The following OSBPL1A variants were observed in gnomAD, a reference collection of about 807,000 sequenced individuals.
The protein encoded by OSBPL1A is oxysterol-binding protein-related protein 1.
Under a neutral mutation model 137.1 loss-of-function variants are expected in OSBPL1A, and 80 were observed. The ratio of observed to expected loss-of-function variants is 0.58; its 90% confidence interval spans 0.49 to 0.70. The LOEUF is 0.70. Among genes scored for constraint, OSBPL1A ranks in the 30% least tolerant of loss-of-function variants. The pLI is 0.00. For synonymous variants in OSBPL1A, 365 were observed against 389.7 expected (o/e 0.94, Z 0.75); for missense variants, 970 against 1,129.4 (o/e 0.86, Z 2.02).
intron 17 of OSBPL1A, among the ~76,000 whole-genome samples, chr18:24,212,973 C>T (rs1300122562): frequency 2.0e-5 from 3 of 152,138 alleles, no homozygotes; most frequent in African/African-American, 7.2e-5. Flanking sequence ...TACCCTGTAC[C>T]TAGTTTCAGG....
intron 15 of OSBPL1A, among the ~76,000 whole-genome samples, chr18:24,251,581 G>A (rs545839769): frequency 6.6e-6 from 1 of 152,234 alleles, no homozygotes; most frequent in East Asian, 1.9e-4. Flanking sequence ...CGAATACCTG[G>A]AAAGCCTTCT....
chr18:24,191,429 C>A (rs2086889731), intron 18 of OSBPL1A, among the ~76,000 whole-genome samples: 3 of 152,130 alleles, frequency 2.0e-5, no homozygotes, highest in Non-Finnish European at 4.4e-5. Context: ...GGCATCTATT[C>A]AAAAACAAGA....
chr18:24,197,143 T>G (rs2087058357), intron 17 of OSBPL1A, among the ~76,000 whole-genome samples: 1 of 151,970 alleles, frequency 6.6e-6, no homozygotes, highest in African/African-American at 2.4e-5. Context: ...AGCTCAGGAG[T>G]TTAAGACCAG....
intron 1 of OSBPL1A, among the ~76,000 whole-genome samples, chr18:24,395,917 C>T (rs949486594): frequency 2.0e-5 from 3 of 149,950 alleles, no homozygotes; most frequent in Non-Finnish European, 4.4e-5. Context: ...CCATGGCACC[C>T]GGCCAGGAAT....
chr18:24,273,208 T>C (rs1409061056), intron 15 of OSBPL1A, among the ~76,000 whole-genome samples: 1 of 152,164 alleles, frequency 6.6e-6, no homozygotes, highest in Non-Finnish European at 1.5e-5. Flanking sequence ...ACGCCCAGCC[T>C]CATGGCATCT....
chr18:24,331,647 C>T lies in OSBPL1A; in HGVS notation c.625+1295G>A, dbSNP rs928150528. On this transcript the variant is annotated intron_variant, in intron 7 of 27. Coordinates refer to ENST00000319481, the MANE Select transcript of OSBPL1A (RefSeq NM_080597.4). ...TCCTGACCTCGTGATCCGCCCGCCTCGGCCTCCCAAAGTGCTGGGATTACA... is the reference window on the plus strand; with the variant it reads ...TCCTGACCTCGTGATCCGCCCGCCTTGGCCTCCCAAAGTGCTGGGATTACA... Among the ~76,000 whole-genome samples the T allele has an allele frequency of 4.6e-5, 7 of 150,632 alleles. No individual in the cohort carries two copies. In the East Asian group the frequency reaches 5.8e-4, roughly 13 times the overall value.
intron 14 of OSBPL1A, among the ~76,000 whole-genome samples, chr18:24,284,798 A>G (rs2090036848): frequency 6.6e-6 from 1 of 152,234 alleles, no homozygotes; most frequent in Non-Finnish European, 1.5e-5. Context: ...TTACTTGAAT[A>G]TTGGAAACAA....
In OSBPL1A at chr18:24,314,780, G is replaced by A. The variant is rs191425071; in HGVS notation, c.871-433C>T. ...GGAGAAAAGGGAAAGAGAGTAAGAC[G>A]GATCAGAAATAATTATGGGTTTTAA... On this transcript the variant is annotated intron_variant, in intron 11 of 27. Coordinates refer to ENST00000319481, the MANE Select transcript of OSBPL1A (RefSeq NM_080597.4). Among the ~76,000 whole-genome samples, 54 of 152,118 alleles carry A rather than the reference G, an allele frequency of 3.5e-4. 1 individual carries two copies. Among genetic ancestry groups the A allele is most frequent in the Non-Finnish European group, 8.8e-5 (6 of 67,976 alleles).
chr18:24,266,808 C>T (rs989682973), intron 15 of OSBPL1A, among the ~76,000 whole-genome samples: 9 of 151,816 alleles, frequency 5.9e-5, no homozygotes, highest in Middle Eastern at 3.4e-3. Context: ...CACGAAATTA[C>T]AAAAAATGCT....
intron 18 of OSBPL1A, among the ~76,000 whole-genome samples, chr18:24,181,820 T>C (rs72883232): frequency 0.08 from 12,181 of 152,170 alleles, 565 homozygotes; most frequent in African/African-American, 0.13. Context: ...TTTCTTTGTC[T>C]GGCTCCCTCA....
chr18:24,328,218 ATTTTTTTTT>A (rs564798076), intron 7 of OSBPL1A, among the ~76,000 whole-genome samples: 1 of 48,598 alleles, frequency 2.1e-5, no homozygotes, highest in Non-Finnish European at 3.7e-5. Flanking sequence ...AATTTTTTGT[ATTTTTTTTT>A]TTTTTTTTTT....
intron 17 of OSBPL1A, among the ~76,000 whole-genome samples, chr18:24,208,649 G>A (rs947513263): frequency 6.6e-6 from 1 of 152,178 alleles, no homozygotes; most frequent in African/African-American, 2.4e-5. Flanking sequence ...ATTACCATTA[G>A]ATTCCAAGCC....
chr18:24,394,879 C>T (rs949822544), intron 1 of OSBPL1A, among the ~76,000 whole-genome samples: 4 of 152,112 alleles, frequency 2.6e-5, no homozygotes, highest in South Asian at 4.1e-4. Context: ...GTAAAGTGAG[C>T]GACCTAGTTT....
At chr18:24,337,258 G>A (rs2091190015) in intron 5 of OSBPL1A, among the ~76,000 whole-genome samples, 1 of 152,120 alleles carries the variant, frequency 6.6e-6, no homozygotes, top group African/African-American at 2.4e-5. Context: ...ACTCTAGGAG[G>A]CCAAATTAAG....
chr18:24,233,805 T>C (rs988276402), intron 16 of OSBPL1A, among the ~76,000 whole-genome samples: 1 of 152,090 alleles, frequency 6.6e-6, no homozygotes, highest in Admixed American at 6.6e-5. Flanking sequence ...TGTGCCACCA[T>C]GCCCGGATAA....
intron 16 of OSBPL1A, among the ~76,000 whole-genome samples, chr18:24,232,609 T>C (rs2088316097): frequency 1.3e-5 from 2 of 152,250 alleles, no homozygotes; most frequent in African/African-American, 2.4e-5. Flanking sequence ...AGCTTCCCAA[T>C]TTGTCTTGTT....
intron 15 of OSBPL1A, among the ~76,000 whole-genome samples, chr18:24,260,766 T>C (rs2089426272): frequency 6.6e-6 from 1 of 151,548 alleles, no homozygotes; most frequent in Admixed American, 6.6e-5. Context: ...GCCACTGAAT[T>C]GTATGCTCAA....
chr18:24,219,238 A>G (rs985684890), intron 17 of OSBPL1A, among the ~76,000 whole-genome samples: 1 of 152,172 alleles, frequency 6.6e-6, no homozygotes, highest in African/African-American at 2.4e-5. Context: ...GGCTGCAGTA[A>G]GCTATAATCA....
Position 24,271,473 on chromosome 18 carries a change from C to T in OSBPL1A, c.1281+9369G>A. On this transcript the variant is annotated intron_variant, in intron 15 of 27. Coordinates refer to ENST00000319481, the MANE Select transcript of OSBPL1A (RefSeq NM_080597.4). The surrounding 1 kb of genome is among the most constrained non-coding windows in gnomAD (Gnocchi z 4.0). ...CCCTCCCCACGCGCCCGCGGCTGCACCCCACTCTGCACACACACGTCCAAC... is the reference window on the plus strand; with the variant it reads ...CCCTCCCCACGCGCCCGCGGCTGCATCCCACTCTGCACACACACGTCCAAC... 1.2e-6 allele frequency: 1 copy of T among 855,916 alleles called. No homozygotes were observed. The highest frequency in any genetic ancestry group is 1.4e-6 in the Non-Finnish European group (1 of 711,710). The allele number at this position is 855,916 out of a possible 1,614,324, so 53.0% of individuals were successfully genotyped here. A position where few individuals can be genotyped will look rare whatever the true frequency, so the allele number is the denominator to read the frequency against.
Sources: gnomAD v4.1 joint callset for allele counts (sites outside exome capture counted in the v4.1 genomes callset) on GRCh38, gnomAD v4.1.1 for gene constraint, Gnocchi (gnomAD v3.1) non-coding constraint, MANE v1.5 for transcripts, NCBI Gene and HGNC (gene_info 2026-07-23, HGNC 2026-07-21) for gene names.